TNFRSF19: variants seen among roughly 807,000 people sequenced by gnomAD.
TNFRSF19 encodes TNF receptor superfamily member 19.
Under a neutral mutation model 46.4 loss-of-function variants are expected in TNFRSF19, and 27 were observed. The ratio of observed to expected loss-of-function variants is 0.58; its 90% CI spans 0.43 to 0.80. The LOEUF is 0.80. TNFRSF19 is among the 30% of genes least tolerant of loss of function. TNFRSF19 has a pLI of 0.00. For synonymous variants in TNFRSF19, 204 were observed against 205.0 expected, an observed-to-expected ratio of 1.00 and a Z score of 0.04; for missense variants, 511 against 530.8, an observed-to-expected ratio of 0.96 and a Z score of 0.37.
chr13:23,626,187 C>CTGTATG (rs1881992552), intron 4 of TNFRSF19, among the ~76,000 whole-genome samples: 1 of 145,468 alleles, frequency 6.9e-6, no homozygotes, highest in South Asian at 2.2e-4. Flanking sequence ...TCTTTAAAAT[C>CTGTATG]TGTGTGTGTG....
chr13:23,661,400 C>T (rs1593297244), intron 7 of TNFRSF19, among the ~76,000 whole-genome samples: 1 of 152,216 alleles, frequency 6.6e-6, no homozygotes, highest in Non-Finnish European at 1.5e-5. Flanking sequence ...GCATAGTATT[C>T]CATGGTGTAT....
At chr13:23,645,399 G>T (rs1450340879) in intron 5 of TNFRSF19, among the ~76,000 whole-genome samples, 1 of 151,908 alleles carries the variant, frequency 6.6e-6, no homozygotes, top group African/African-American at 2.4e-5. Flanking sequence ...ACGGGTTTTC[G>T]CCATGTTGAC....
Position 23,629,234 on chromosome 13 carries a change from A to C in TNFRSF19, c.445+2442A>C, listed in dbSNP as rs202142695. Among the ~76,000 whole-genome samples the C allele has an allele frequency of 5.9e-5, 9 of 152,294 alleles. No homozygotes were observed. The East Asian group carries it at 1.7e-3, about 29-fold the overall frequency. ...TTAAGGAGTGGGGTTTGTTTCAAGG[A>C]CATGCCTGGTAGTGGGAGAGGCAAG... On this transcript the variant is annotated intron_variant, in intron 5 of 9. Coordinates refer to ENST00000248484, the MANE Select transcript of TNFRSF19 (RefSeq NM_148957.4).
At chr13:23,645,028 C>T (rs1883252063) in intron 5 of TNFRSF19, among the ~76,000 whole-genome samples, 1 of 152,306 alleles carries the variant, frequency 6.6e-6, no homozygotes, top group East Asian at 1.9e-4. Context: ...TACTTTGTGA[C>T]ATCACATTTT....
chr13:23,660,228 G>A (rs1884267959), intron 6 of TNFRSF19, 137 bp from the exon 7 acceptor site: 1 of 870,192 alleles, frequency 1.1e-6, no homozygotes, highest in Non-Finnish European at 1.8e-6. Flanking sequence ...TTTCATGTTT[G>A]TGCTTCCATG....
intron 5 of TNFRSF19, among the ~76,000 whole-genome samples, chr13:23,631,653 G>A (rs765361012): frequency 3.3e-5 from 5 of 152,190 alleles, no homozygotes; most frequent in African/African-American, 4.8e-5. Flanking sequence ...GTAAGTAAGA[G>A]TACCTCTTTT....
At chr13:23,600,652 C>T (rs1235526592) in intron 3 of TNFRSF19, among the ~76,000 whole-genome samples, 1 of 152,162 alleles carries the variant, frequency 6.6e-6, no homozygotes, top group Non-Finnish European at 1.5e-5. Flanking sequence ...ACCAAAGGCT[C>T]ACCTGCTGGG....
intron 4 of TNFRSF19, among the ~76,000 whole-genome samples, chr13:23,625,422 G>A (rs549892634): frequency 5.0e-4 from 71 of 141,058 alleles, no homozygotes; most frequent in Non-Finnish European, 8.9e-4. Context: ...TCCACCTCCC[G>A]GGTTCACGCC....
At chr13:23,654,137 G>A (rs1883826469) in intron 5 of TNFRSF19, among the ~76,000 whole-genome samples, 1 of 152,202 alleles carries the variant, frequency 6.6e-6, no homozygotes, top group African/African-American at 2.4e-5. Flanking sequence ...CGCCTGAATG[G>A]GGCCCTTTGT....
intron 5 of TNFRSF19, among the ~76,000 whole-genome samples, chr13:23,643,090 G>C (rs1357874352): frequency 6.6e-6 from 1 of 152,190 alleles, no homozygotes; most frequent in Non-Finnish European, 1.5e-5. Context: ...TCGATCCAGA[G>C]TAATGTTCTG....
At chr13:23,598,503 C>A (rs1327530944) in intron 3 of TNFRSF19, among the ~76,000 whole-genome samples, 2 of 152,132 alleles carry the variant, frequency 1.3e-5, no homozygotes, top group Non-Finnish European at 2.9e-5. Flanking sequence ...CTGCCAGTGT[C>A]TTAAATAAAG....
intron 3 of TNFRSF19, among the ~76,000 whole-genome samples, chr13:23,611,010 G>A (rs1056849697): frequency 2.0e-5 from 3 of 151,874 alleles, no homozygotes; most frequent in South Asian, 2.1e-4. Flanking sequence ...TATTAATGGC[G>A]GACCATGCTC....
intron 3 of TNFRSF19, among the ~76,000 whole-genome samples, chr13:23,614,215 T>A (rs1392845993): frequency 6.6e-6 from 1 of 152,100 alleles, no homozygotes; most frequent in African/African-American, 2.4e-5. Context: ...ACACTCCCGA[T>A]GTACGTTTGA....
intron 9 of TNFRSF19, among the ~76,000 whole-genome samples, chr13:23,670,588 A>G (rs1284690900): frequency 6.6e-6 from 1 of 152,226 alleles, no homozygotes; most frequent in African/African-American, 2.4e-5. Context: ...TTGTTATGAT[A>G]ATAAATAAGA....
intron 9 of TNFRSF19, 94 bp downstream of exon 9, chr13:23,669,191 GT>G (rs11383459): frequency 4.3e-4 from 553 of 1,289,412 alleles, no homozygotes; most frequent in South Asian, 2.1e-3. Context: ...AACCTGATGA[GT>G]TTTTTTTTTG....
At chr13:23,594,421 G>A (rs978114530) in intron 3 of TNFRSF19, 4 of 323,034 alleles carry the variant, frequency 1.2e-5, no homozygotes, top group Non-Finnish European at 2.5e-5. Context: ...GGTGAGGGGA[G>A]GGGCGTCTGC....
Position 23,673,809 on chromosome 13 carries a change from G to T in TNFRSF19, c.*429G>T, listed in dbSNP as rs142895402. ...TTCTTTCCAGAAATAATTTCATACCGCCTATGAAATATCAGATAAATTACC... is the reference window on the plus strand; with the variant it reads ...TTCTTTCCAGAAATAATTTCATACCTCCTATGAAATATCAGATAAATTACC... On this transcript the variant is annotated 3_prime_UTR_variant, in exon 10 of 10. Coordinates refer to ENST00000248484, the MANE Select transcript of TNFRSF19 (RefSeq NM_148957.4). 2 of 166,120 alleles carry T rather than the reference G, an allele frequency of 1.2e-5. No homozygotes were observed. The highest frequency in any genetic ancestry group is 3.3e-4 in the East Asian group (2 of 6,062). 10.3% of individuals were successfully genotyped at this position (166,120 alleles called of 1,614,324 possible).
Position 23,605,536 on chromosome 13 carries a change from A to T in TNFRSF19, c.181-10331A>T, listed in dbSNP as rs541952992. ...ACAGATACTTATAGCAGGTTTGTTC[A>T]TAATTATGAAGACTTGAAAGCAACC... On this transcript the variant is annotated intron_variant, in intron 3 of 9. Coordinates refer to ENST00000248484, the MANE Select transcript of TNFRSF19 (RefSeq NM_148957.4). 1.6e-3 allele frequency among the ~76,000 whole-genome samples: 243 copies of T among 152,358 alleles called. 1 individual carries two copies. In the Middle Eastern group the frequency reaches 0.02, roughly 13 times the overall value.
At chr13:23,630,378 G>T (rs926780485) in intron 5 of TNFRSF19, among the ~76,000 whole-genome samples, 19 of 150,374 alleles carry the variant, frequency 1.3e-4, no homozygotes, top group African/African-American at 4.7e-4. Flanking sequence ...AGGCTGAAGA[G>T]ACCCGAATTA....
Sources: allele counts gnomAD v4.1 joint callset (sites outside exome capture counted in the v4.1 genomes callset), GRCh38; gene constraint gnomAD v4.1.1; transcripts MANE v1.5; gene names NCBI Gene and HGNC (gene_info 2026-07-23, HGNC 2026-07-21).